KGD4: variants seen among roughly 807,000 people sequenced by gnomAD.
KGD4 encodes the protein alpha-ketoglutarate dehydrogenase subunit 4, also known as alpha-ketoglutarate dehydrogenase component 4.
At chr5:69,217,999 C>G in the KGD4 span, 1 of 1,467,048 alleles carries the variant, frequency 6.8e-7, no homozygotes, top group Non-Finnish European at 9.4e-7. Flanking sequence ...GGGCCAGTGA[C>G]GGCGCCCGCG....
At chr5:69,224,471 C>T in the KGD4 span, among the ~76,000 whole-genome samples, 1 of 151,574 alleles carries the variant, frequency 6.6e-6, no homozygotes, top group Non-Finnish European at 1.5e-5. Context: ...CTGTGTTCTT[C>T]CAAATGTTTT....
At chr5:69,226,960 C>T in the KGD4 span, among the ~76,000 whole-genome samples, 2 of 152,182 alleles carry the variant, frequency 1.3e-5, no homozygotes, top group South Asian at 2.1e-4. Context: ...CAGTCTCCCC[C>T]TCCCGGGTTA....
the KGD4 span, chr5:69,217,794 C>T: frequency 1.9e-6 from 3 of 1,612,966 alleles, no homozygotes; most frequent in Admixed American, 1.7e-5. Flanking sequence ...CGCCGCGGCT[C>T]GCTCGCGCCC....
At chr5:69,227,311 C>A in the KGD4 span, among the ~76,000 whole-genome samples, 1 of 152,212 alleles carries the variant, frequency 6.6e-6, no homozygotes, top group Non-Finnish European at 1.5e-5. Flanking sequence ...TTTGCAGAGA[C>A]TGGGAAAATA....
At chr5:69,229,008 G>A in the KGD4 span, among the ~76,000 whole-genome samples, 2,420 of 113,282 alleles carry the variant, frequency 0.021, 50 homozygotes, top group Non-Finnish European at 0.025. Context: ...GTGAAACTCC[G>A]GAAACTCCAT....
chr5:69,226,534 T>A, the KGD4 span: 4 of 622,524 alleles, frequency 6.4e-6, no homozygotes, highest in African/African-American at 1.9e-5. Flanking sequence ...AAATAGTGCC[T>A]TATGTAGCAT....
the KGD4 span, chr5:69,217,797 T>G: frequency 2.5e-6 from 4 of 1,608,340 alleles, no homozygotes; most frequent in Non-Finnish European, 3.4e-6. Context: ...CGCGGCTCGC[T>G]CGCGCCCCGG....
chr5:69,225,543 G>A, the KGD4 span, among the ~76,000 whole-genome samples: 1 of 149,046 alleles, frequency 6.7e-6, no homozygotes, highest in African/African-American at 2.5e-5. Flanking sequence ...GGGATTACAG[G>A]TGTGAGCCAC....
At chr5:69,224,108 G>T in the KGD4 span, among the ~76,000 whole-genome samples, 1 of 147,406 alleles carries the variant, frequency 6.8e-6, no homozygotes, top group Non-Finnish European at 1.5e-5. Context: ...GTTTTAATTT[G>T]GGCCGGGCAT....
At chr5:69,226,612 C>T in the KGD4 span, among the ~76,000 whole-genome samples, 2 of 152,166 alleles carry the variant, frequency 1.3e-5, no homozygotes, top group African/African-American at 4.8e-5. Flanking sequence ...TTTGGGAGGC[C>T]GAGGCACGCG....
chr5:69,224,346 A>ACG, the KGD4 span, among the ~76,000 whole-genome samples: 210 of 151,326 alleles, frequency 1.4e-3, no homozygotes, highest in African/African-American at 4.9e-3. Context: ...AACAGAGATT[A>ACG]CGCCACTACA....
the KGD4 span, among the ~76,000 whole-genome samples, chr5:69,218,468 TA>T: frequency 1.5e-5 from 1 of 67,936 alleles, no homozygotes; most frequent in Non-Finnish European, 2.6e-5. Flanking sequence ...GTGTGTATAT[TA>T]ATGTGTGTGT....
the KGD4 span, chr5:69,229,302 A>G: frequency 1.6e-6 from 2 of 1,226,198 alleles, no homozygotes; most frequent in Non-Finnish European, 2.3e-6. Flanking sequence ...CAGATGAGAA[A>G]CTGTATATTA....
chr5:69,218,242 C>G, the KGD4 span: 1 of 243,080 alleles, frequency 4.1e-6, no homozygotes. Flanking sequence ...GTGGTGCCCC[C>G]GATCAGCCAA....
At chr5:69,221,408 CAA>C in the KGD4 span, among the ~76,000 whole-genome samples, 2 of 152,022 alleles carry the variant, frequency 1.3e-5, no homozygotes, top group Non-Finnish European at 2.9e-5. Flanking sequence ...GACTGGCTAA[CAA>C]ATGAAAATCC....
chr5:69,226,224 A>G, the KGD4 span: 1 of 716,028 alleles, frequency 1.4e-6, no homozygotes, highest in African/African-American at 1.8e-5. Flanking sequence ...GAAGAGTATA[A>G]TTTAAAGTTG....
chr5:69,226,196 C>T, the KGD4 span: 1 of 618,650 alleles, frequency 1.6e-6, no homozygotes. Context: ...AATTCATAGA[C>T]CAGCTTTCCT....
the KGD4 span, among the ~76,000 whole-genome samples, chr5:69,225,111 T>G: frequency 6.7e-6 from 1 of 148,784 alleles, no homozygotes; most frequent in South Asian, 2.1e-4. Context: ...AAATTTCCAG[T>G]GTTTTTTCTT....
the KGD4 span, among the ~76,000 whole-genome samples, chr5:69,219,824 C>T: frequency 6.6e-6 from 1 of 151,994 alleles, no homozygotes; most frequent in African/African-American, 2.4e-5. Flanking sequence ...GACCTGGTCT[C>T]GAAAAATAAA....
Sources: allele counts gnomAD v4.1 joint callset (sites outside exome capture counted in the v4.1 genomes callset), GRCh38; gene constraint gnomAD v4.1.1; transcripts MANE v1.5; gene names NCBI Gene and HGNC (gene_info 2026-07-23, HGNC 2026-07-21).